HYDIN: variants seen among roughly 807,000 people sequenced by gnomAD.
HYDIN encodes the protein axonemal central pair apparatus protein HYDIN.
In HYDIN, 132 loss-of-function variants were observed where a neutral mutation model predicts 403.9. That is an observed-to-expected ratio of 0.33 (90% confidence interval 0.28 to 0.38). The LOEUF is 0.38. Among genes scored for constraint, HYDIN ranks in the 10% least tolerant of loss-of-function variants. HYDIN has a pLI of 1.00. For synonymous variants in HYDIN, 1,202 were observed against 1,891.7 expected (o/e 0.64, Z 9.46); for missense variants, 2,827 against 5,009.5 (o/e 0.56, Z 13.15).
chr16:71,110,384 T>G (rs911282189), intron 10 of HYDIN, among the ~76,000 whole-genome samples: 12 of 141,590 alleles, frequency 8.5e-5, no homozygotes, highest in East Asian at 2.0e-4. Flanking sequence ...ATAAAATACA[T>G]ATATTTTATA....
intron 1 of HYDIN, chr16:71,203,722 T>C (rs2088144492): frequency 2.2e-6 from 1 of 456,052 alleles, no homozygotes; most frequent in Non-Finnish European, 4.4e-6. Context: ...GACCAGCACA[T>C]ACCAATGTCT....
chr16:70,949,466 A>T (rs1332059978), intron 41 of HYDIN, among the ~76,000 whole-genome samples: 1 of 152,198 alleles, frequency 6.6e-6, no homozygotes, highest in Non-Finnish European at 1.5e-5. Context: ...AATAATAAAA[A>T]AAACAAAAAC....
At chr16:71,027,447 G>C in intron 20 of HYDIN, 155 bp downstream of exon 20, 15 of 1,515,172 alleles carry the variant, frequency 9.9e-6, no homozygotes, top group Non-Finnish European at 1.3e-5. Context: ...CACCCCGAAA[G>C]CAACGGATGC....
At chr16:70,990,394 CAAAAAAAAAAAAAAAAA>C (rs72381537) in intron 25 of HYDIN, among the ~76,000 whole-genome samples, 10 of 8,684 alleles carry the variant, frequency 1.2e-3, no homozygotes, top group South Asian at 0.028. Context: ...GACTCTGCCT[CAAAAAAAAAAAAAAAAA>C]AAAAAAAAAA....
Position 70,943,922 on chromosome 16 carries a change from G to T in HYDIN, c.6559C>A (p.Pro2187Thr), listed in dbSNP as rs2077762727. The T allele has an allele frequency of 6.2e-7, 1 of 1,612,374 alleles. No homozygotes were observed. The highest frequency in any genetic ancestry group is 2.2e-5 in the East Asian group (1 of 44,830). Residue 2187 changes from proline (P) to threonine (T), a missense_variant, in exon 42 of 86, where the codon CCC becomes ACC. Physicochemically the swap from Pro to Thr is conservative, Grantham distance 38. Transcript: ENST00000393567. ...QISSSPLPPG[P>T]IHRWLSVSPS... ...CTAACACTGAGCCAGCGGTGGATGG[G>T]CCCCGGGGGGAGAGGGCTGGAGGAA...
At position 70,909,983 on chromosome 16, in the gene HYDIN, C is replaced by T. The variant is rs535000871; in HGVS notation, c.8005-1122G>A. On this transcript the variant is annotated intron_variant, in intron 47 of 85. Coordinates refer to ENST00000393567, the MANE Select transcript of HYDIN (RefSeq NM_001270974.2). ...CTGGGATTACAGGCGTGAGCCACCG[C>T]GCCTGGCCTCAGGCATGTCTTTATT... is the stretch of plus-strand genomic sequence containing the variant. 1.3e-4 allele frequency among the ~76,000 whole-genome samples: 20 copies of T among 152,020 alleles called. No individual in the cohort carries two copies. In the South Asian group the frequency reaches 1.5e-3, roughly 11 times the overall value.
At chr16:71,018,761 G>A (rs7192907) in intron 22 of HYDIN, among the ~76,000 whole-genome samples, 5 of 152,306 alleles carry the variant, frequency 3.3e-5, no homozygotes, top group African/African-American at 1.2e-4. Context: ...GTTGTGTGGG[G>A]TTATAAGAAT....
chr16:71,162,826 A>G lies in HYDIN; in HGVS notation c.517-96T>C, dbSNP rs2086059020. On this transcript the variant is annotated intron_variant, in intron 5 of 85. Coordinates refer to ENST00000393567, the MANE Select transcript of HYDIN (RefSeq NM_001270974.2). Reference sequence around the variant, plus strand: ...GTCGATGAGAGGCATTTTGCAAAACAACTTTTAGTATAGTTCTATGAAAAC... The same window carrying G: ...GTCGATGAGAGGCATTTTGCAAAACGACTTTTAGTATAGTTCTATGAAAAC... The G allele has an allele frequency of 8.5e-6, 5 of 589,928 alleles. No homozygotes were observed. In the East Asian group the frequency reaches 1.4e-4, roughly 16 times the overall value. 36.5% of individuals were successfully genotyped at this position (589,928 alleles called of 1,614,324 possible).
At chr16:70,938,294 C>CA (rs1475932899) in intron 44 of HYDIN, among the ~76,000 whole-genome samples, 1 of 151,708 alleles carries the variant, frequency 6.6e-6, no homozygotes, top group Admixed American at 6.6e-5. Context: ...GGGTGCTGGT[C>CA]AGGGGGGGCC....
chr16:70,978,104 A>T (rs1260336635), intron 30 of HYDIN, among the ~76,000 whole-genome samples: 1 of 151,846 alleles, frequency 6.6e-6, no homozygotes, highest in Non-Finnish European at 1.5e-5. Flanking sequence ...TAGCCACGGG[A>T]AACAGCTGAA....
chr16:70,832,757 G>C (rs1341384842), intron 80 of HYDIN, 91 bp downstream of exon 80: 1 of 964,792 alleles, frequency 1.0e-6, no homozygotes, highest in African/African-American at 1.6e-5. Context: ...TGGAGGGAGG[G>C]GGCAGGCCTG....
chr16:70,898,864 C>A (rs1280900771), intron 53 of HYDIN, among the ~76,000 whole-genome samples: 1 of 151,424 alleles, frequency 6.6e-6, no homozygotes, highest in East Asian at 2.0e-4. Context: ...CTGCCTCAGC[C>A]TCCCGAGTAG....
intron 7 of HYDIN, among the ~76,000 whole-genome samples, chr16:71,141,013 G>A (rs958819157): frequency 9.2e-5 from 14 of 151,632 alleles, no homozygotes; most frequent in African/African-American, 3.1e-4. Flanking sequence ...CACTGATGCT[G>A]AAAAAGAATT....
intron 12 of HYDIN, among the ~76,000 whole-genome samples, chr16:71,085,452 G>C (rs2082904643): frequency 6.8e-6 from 1 of 147,062 alleles, no homozygotes; most frequent in African/African-American, 2.5e-5. Context: ...CTGTTGGGTA[G>C]AGTGTGCTGT....
Position 70,920,580 on chromosome 16 carries a change from A to G in HYDIN, c.7785+11T>C. 1 of 1,594,004 alleles carries G rather than the reference A, an allele frequency of 6.3e-7. No homozygotes were observed. The highest frequency in any genetic ancestry group is 8.6e-7 in the Non-Finnish European group (1 of 1,167,802). The stretch of plus-strand genomic sequence containing the variant: ...ACTTGAGACTTCCCCACCCTGGAGG[A>G]GAGTCCATACCTGCTCTCCTTTGGG... On this transcript the variant is annotated intron_variant, in intron 46 of 85. Coordinates refer to ENST00000393567, the MANE Select transcript of HYDIN (RefSeq NM_001270974.2).
chr16:71,178,903 C>A, intron 4 of HYDIN, 25 bp downstream of exon 4: 2 of 1,596,210 alleles, frequency 1.3e-6, no homozygotes, highest in South Asian at 2.3e-5. Flanking sequence ...TGGAACAGTT[C>A]ACCCACCCCA....
chr16:71,056,592 C>T (rs983986284), intron 18 of HYDIN, among the ~76,000 whole-genome samples: 6 of 152,092 alleles, frequency 3.9e-5, no homozygotes, highest in African/African-American at 7.2e-5. Context: ...TGTGTGGCCG[C>T]ACATGAGGCT....
At chr16:71,050,621 C>T (rs1046181775) in intron 18 of HYDIN, among the ~76,000 whole-genome samples, 12 of 151,594 alleles carry the variant, frequency 7.9e-5, no homozygotes, top group Admixed American at 2.0e-4. Flanking sequence ...TTTTCTAGAA[C>T]GTCATACAAT....
intron 23 of HYDIN, among the ~76,000 whole-genome samples, chr16:71,002,506 C>G (rs1181970983): frequency 6.6e-6 from 1 of 151,276 alleles, no homozygotes; most frequent in Non-Finnish European, 1.5e-5. Flanking sequence ...GGGCCATGAT[C>G]ATGTCACCAC....
Sources: allele counts gnomAD v4.1 joint callset (sites outside exome capture counted in the v4.1 genomes callset), GRCh38; gene constraint gnomAD v4.1.1; transcripts MANE v1.5; gene names NCBI Gene and HGNC (gene_info 2026-07-23, HGNC 2026-07-21).